SLC17A8: variants seen among roughly 807,000 people sequenced by gnomAD.
SLC17A8 encodes the protein solute carrier family 17 member 8, also known as vesicular glutamate transporter 3.
Under a neutral mutation model 58.0 loss-of-function variants are expected in SLC17A8, and 31 were observed. The observed-to-expected ratio is 0.53, with a 90% CI of 0.40 to 0.72. SLC17A8 has a LOEUF of 0.72. Among genes scored for constraint, SLC17A8 ranks in the 30% least tolerant of loss-of-function variants. SLC17A8 has a pLI of 0.00. For synonymous variants in SLC17A8, 228 were observed against 249.0 expected, an observed-to-expected ratio of 0.92 and a Z score of 0.79; for missense variants, 655 against 727.8, an observed-to-expected ratio of 0.90 and a Z score of 1.15.
chr12:100,402,812 G>A lies in SLC17A8; in HGVS notation c.1053+67G>A, dbSNP rs919353194. The A allele has an allele frequency of 8.2e-6, 12 of 1,463,136 alleles. No individual in the cohort carries two copies. In the African/African-American group the frequency reaches 1.7e-4, roughly 21 times the overall value. 90.6% of individuals were successfully genotyped at this position (1,463,136 alleles called of 1,614,324 possible). A position where few individuals can be genotyped will look rare whatever the true frequency, so the allele number is the denominator to read the frequency against. On this transcript the variant is annotated intron_variant, in intron 8 of 11. Transcript: ENST00000323346. ...TCTTGATTCTACAGAGAATAACTTT[G>A]TATGATAAAATAATTAAATTGCTGA...
intron 6 of SLC17A8, 40 bp downstream of exon 6, chr12:100,401,903 G>A (rs1288382185): frequency 1.3e-6 from 2 of 1,523,718 alleles, no homozygotes; most frequent in East Asian, 2.3e-5. Context: ...GTGACTCATA[G>A]AGATGGTATT....
rs554900790 is a variant in SLC17A8, at chr12:100,379,264, G to A, written c.102-1437G>A. ...ATCCTGGCTAACACGGTGAAACCCC[G>A]TCTCTACTAAAAATACAAAAATTAT... On this transcript the variant is annotated intron_variant, in intron 1 of 11. Transcript: ENST00000323346. 1.3e-4 allele frequency among the ~76,000 whole-genome samples: 20 copies of A among 152,022 alleles called. No individual in the cohort carries two copies. In the South Asian group the frequency reaches 3.5e-3, roughly 27 times the overall value.
At chr12:100,382,189 G>C (rs935110644) in intron 2 of SLC17A8, among the ~76,000 whole-genome samples, 1 of 152,210 alleles carries the variant, frequency 6.6e-6, no homozygotes, top group African/African-American at 2.4e-5. Context: ...AGCCTGGTAG[G>C]CATGTAGCAA....
At chr12:100,360,613 T>C (rs1489972611) in intron 1 of SLC17A8, among the ~76,000 whole-genome samples, 1 of 152,164 alleles carries the variant, frequency 6.6e-6, no homozygotes, top group Non-Finnish European at 1.5e-5. Flanking sequence ...ATTTTACAGA[T>C]GAGAAAACTG....
chr12:100,412,183 G>A (rs553995184), intron 9 of SLC17A8, among the ~76,000 whole-genome samples: 80 of 152,224 alleles, frequency 5.3e-4, no homozygotes, highest in Non-Finnish European at 1.0e-3. Context: ...TATTGGGACC[G>A]TGTGGTGTTC....
chr12:100,419,980 G>A lies in SLC17A8; in HGVS notation c.1591G>A (p.Glu531Lys). 2 of 1,614,106 alleles carry A rather than the reference G, an allele frequency of 1.2e-6. No individual in the cohort carries two copies. The highest frequency in any genetic ancestry group is 1.7e-6 in the Non-Finnish European group (2 of 1,180,006). The change falls in exon 12 of 12, where the codon GAG (glutamate) becomes AAG (lysine). Residue 531 changes from glutamate (E) to lysine (K), a missense_variant. Glu to Lys is a moderately conservative substitution (Grantham distance 56, BLOSUM62 1). Coordinates refer to ENST00000323346, the MANE Select transcript of SLC17A8 (RefSeq NM_139319.3). ...CATTGACCAGGACGAATTAGCTGAG[G>A]AGATAGAACTCAACCATGAGAGTTT... ...GIIDQDELAE[E>K]IELNHESFAS...
chr12:100,362,561 A>G (rs889941247), intron 1 of SLC17A8, among the ~76,000 whole-genome samples: 1 of 152,060 alleles, frequency 6.6e-6, no homozygotes, highest in African/African-American at 2.4e-5. Context: ...AAATACAGCA[A>G]CCGTGACCTG....
rs1952948469 is a variant in SLC17A8 at position 100,421,556 on chromosome 12, A to G, written c.*1397A>G. 1 of 150,582 alleles carries G rather than the reference A, an allele frequency of 6.6e-6. No individual in the cohort carries two copies. The highest frequency in any genetic ancestry group is 2.5e-5 in the African/African-American group (1 of 40,810). 9.3% of individuals were successfully genotyped at this position (150,582 alleles called of 1,614,324 possible). A position where few individuals can be genotyped will look rare whatever the true frequency, so the allele number is the denominator to read the frequency against. ...TAAAGTGTTATTTGAAAATAAAATT[A>G]TTTTCCTGTTCATTGATTTTAAACA... On this transcript the variant is annotated 3_prime_UTR_variant, in exon 12 of 12. Transcript: ENST00000323346.
chr12:100,381,899 A>G (rs1952640352), intron 2 of SLC17A8, among the ~76,000 whole-genome samples: 1 of 152,232 alleles, frequency 6.6e-6, no homozygotes, highest in African/African-American at 2.4e-5. Flanking sequence ...TGTTGGAAAT[A>G]GTGGCCATGA....
At chr12:100,381,568 C>CAG (rs112159680) in intron 2 of SLC17A8, among the ~76,000 whole-genome samples, 4,284 of 148,962 alleles carry the variant, frequency 0.029, 58 homozygotes, top group Middle Eastern at 0.035. Flanking sequence ...AAGAAAGAGA[C>CAG]AGAGAGAGAG....
chr12:100,383,898 T>A (rs535910379), intron 2 of SLC17A8, among the ~76,000 whole-genome samples: 1 of 152,180 alleles, frequency 6.6e-6, no homozygotes, highest in Non-Finnish European at 1.5e-5. Flanking sequence ...AGAGATGGGA[T>A]CATGCCATGT....
At chr12:100,394,710 A>G (rs968889722) in intron 4 of SLC17A8, among the ~76,000 whole-genome samples, 95 of 148,846 alleles carry the variant, frequency 6.4e-4, no homozygotes, top group African/African-American at 2.2e-3. Flanking sequence ...GCCACTAGTT[A>G]CATCTTTTTC....
At chr12:100,381,590 G>GAGAGAGAA in intron 2 of SLC17A8, among the ~76,000 whole-genome samples, 1 of 151,310 alleles carries the variant, frequency 6.6e-6, no homozygotes, top group South Asian at 2.1e-4. Flanking sequence ...GAGAGAGAGA[G>GAGAGAGAA]AACGTACACA....
At chr12:100,374,537 G>C (rs907218815) in intron 1 of SLC17A8, among the ~76,000 whole-genome samples, 1 of 152,302 alleles carries the variant, frequency 6.6e-6, no homozygotes, top group African/African-American at 2.4e-5. Context: ...GCTTGAACCT[G>C]GGAGGCGGAA....
chr12:100,363,069 C>T (rs1471467721), intron 1 of SLC17A8, among the ~76,000 whole-genome samples: 1 of 152,182 alleles, frequency 6.6e-6, no homozygotes, highest in African/African-American at 2.4e-5. Context: ...ATCCATGACC[C>T]TTATCACTGT....
At chr12:100,374,670 A>T (rs1952582223) in intron 1 of SLC17A8, among the ~76,000 whole-genome samples, 1 of 152,124 alleles carries the variant, frequency 6.6e-6, no homozygotes, top group Non-Finnish European at 1.5e-5. Context: ...GCCTGGGGGA[A>T]GTTAGATTTC....
chr12:100,413,846 G>A (rs1207028930), intron 10 of SLC17A8, among the ~76,000 whole-genome samples: 1 of 152,044 alleles, frequency 6.6e-6, no homozygotes, highest in African/African-American at 2.4e-5. Context: ...GTGTAATGGC[G>A]CACACCTGCA....
intron 5 of SLC17A8, among the ~76,000 whole-genome samples, chr12:100,396,958 A>G (rs912337144): frequency 3.3e-5 from 5 of 152,064 alleles, no homozygotes; most frequent in African/African-American, 1.2e-4. Context: ...ATAGCTTTTT[A>G]TTTACTTCTG....
Position 100,357,110 on chromosome 12 carries a change from C to G in SLC17A8, c.-282C>G, listed in dbSNP as rs571496447. ...GGCTGCCTGAGACAGCTGCCACAGG[C>G]TGCTGCAGAGCGTGCAGCTTTTGCA... On this transcript the variant is annotated 5_prime_UTR_variant, in exon 1 of 12. Coordinates refer to ENST00000323346, the MANE Select transcript of SLC17A8 (RefSeq NM_139319.3). The G allele has an allele frequency of 1.3e-4, 50 of 394,862 alleles. No homozygotes were observed. The highest frequency in any genetic ancestry group is 9.9e-4 in the African/African-American group (48 of 48,342). 24.5% of individuals were successfully genotyped at this position (394,862 alleles called of 1,614,324 possible).
Sources: allele counts gnomAD v4.1 joint callset (sites outside exome capture counted in the v4.1 genomes callset), GRCh38; gene constraint gnomAD v4.1.1; transcripts MANE v1.5; gene names NCBI Gene and HGNC (gene_info 2026-07-23, HGNC 2026-07-21).